The following ROBO2 variants were observed in gnomAD, a reference collection of about 807,000 sequenced individuals.
The protein encoded by ROBO2 is roundabout guidance receptor 2.
A neutral mutation model predicts 160.8 loss-of-function variants in ROBO2; 53 were observed. The observed-to-expected ratio is 0.33, with a 90% CI of 0.26 to 0.41. ROBO2 has a LOEUF of 0.41. ROBO2 is among the 10% of genes least tolerant of loss of function. The pLI is 1.00. For synonymous variants in ROBO2, 664 were observed against 611.7 expected, an observed-to-expected ratio of 1.09 and a Z score of -1.26; for missense variants, 1,577 against 1,722.4, an observed-to-expected ratio of 0.92 and a Z score of 1.49.
chr3:75,937,086 T>G (rs1010913913), intron 1 of ROBO2, among the ~76,000 whole-genome samples: 3 of 152,152 alleles, frequency 2.0e-5, no homozygotes, highest in Admixed American at 1.3e-4. Context: ...TTTGTATATA[T>G]GTAGAGATTA....
chr3:76,897,476 A>G (rs1166988), intron 2 of ROBO2, among the ~76,000 whole-genome samples: 59,209 of 151,890 alleles, frequency 0.39, 11,957 homozygotes, highest in African/African-American at 0.48. Context: ...TACCAAACAC[A>G]TTGAAAAATC....
intron 2 of ROBO2, among the ~76,000 whole-genome samples, chr3:77,152,526 C>A (rs2077633950): frequency 6.6e-6 from 1 of 152,210 alleles, no homozygotes; most frequent in South Asian, 2.1e-4. Context: ...CACTCTAAGA[C>A]CTTGATACTC....
At chr3:75,910,099 A>C (rs1318167037) in intron 1 of ROBO2, among the ~76,000 whole-genome samples, 1 of 152,214 alleles carries the variant, frequency 6.6e-6, no homozygotes. Context: ...GTAAATTTGC[A>C]GTTAGTACAG....
chr3:77,089,127 A>AT (rs1232994073), intron 1 of ROBO2, among the ~76,000 whole-genome samples: 1 of 152,146 alleles, frequency 6.6e-6, no homozygotes, highest in East Asian at 1.9e-4. Context: ...CAAACAAAAA[A>AT]CAACTGAAAT....
intron 2 of ROBO2, among the ~76,000 whole-genome samples, chr3:76,035,755 G>T (rs915048835): frequency 6.6e-6 from 1 of 151,990 alleles, no homozygotes; most frequent in Admixed American, 6.6e-5. Context: ...TTGGGGGCCT[G>T]CACTCATTAT....
intron 2 of ROBO2, among the ~76,000 whole-genome samples, chr3:76,028,352 A>T (rs2066810825): frequency 6.6e-6 from 1 of 151,952 alleles, no homozygotes; most frequent in Non-Finnish European, 1.5e-5. Context: ...TCATAATGAC[A>T]AAAGATGAAG....
intron 2 of ROBO2, among the ~76,000 whole-genome samples, chr3:76,119,722 G>C (rs530594961): frequency 6.6e-6 from 1 of 152,068 alleles, no homozygotes; most frequent in East Asian, 1.9e-4. Context: ...TTCAAAATAG[G>C]AACCTACTTT....
chr3:76,896,537 T>C (rs770010649), intron 2 of ROBO2, among the ~76,000 whole-genome samples: 1 of 152,170 alleles, frequency 6.6e-6, no homozygotes, highest in Non-Finnish European at 1.5e-5. Context: ...ATATGTGATA[T>C]AGATGATCAT....
intron 2 of ROBO2, among the ~76,000 whole-genome samples, chr3:76,168,739 T>A (rs2072926269): frequency 6.6e-6 from 1 of 151,824 alleles, no homozygotes; most frequent in South Asian, 2.1e-4. Flanking sequence ...TAATGTTGTC[T>A]TCTTAATGTC....
At chr3:76,336,084 A>G (rs1273224219) in intron 2 of ROBO2, among the ~76,000 whole-genome samples, 2 of 152,230 alleles carry the variant, frequency 1.3e-5, no homozygotes, top group African/African-American at 2.4e-5. Context: ...CATGAAAAAG[A>G]TTGAACTAGC....
At chr3:76,174,248 A>C (rs560638223) in intron 2 of ROBO2, among the ~76,000 whole-genome samples, 1 of 152,120 alleles carries the variant, frequency 6.6e-6, no homozygotes, top group East Asian at 1.9e-4. Flanking sequence ...AGTTTTTTGT[A>C]GATTCTGGAT....
chr3:77,537,439 A>T (rs1389547954), intron 6 of ROBO2, among the ~76,000 whole-genome samples: 1 of 152,010 alleles, frequency 6.6e-6, no homozygotes, highest in African/African-American at 2.4e-5. Context: ...TATATGTGAG[A>T]CCTCTCATGG....
At position 76,285,696 on chromosome 3, in the gene ROBO2, G is replaced by A. The variant is rs1158799; in HGVS notation, c.109+348094G>A. On this transcript the variant is annotated intron_variant, in intron 2 of 26. Coordinates refer to the ROBO2 transcript ENST00000487694. ...TGTAATATTATATAAGAAAATTAAAGTGAGAATGTAAACTTGTTGACTGTC... is the reference window on the plus strand; with the variant it reads ...TGTAATATTATATAAGAAAATTAAAATGAGAATGTAAACTTGTTGACTGTC... 3.4e-3 allele frequency among the ~76,000 whole-genome samples: 519 copies of A among 152,190 alleles called. 6 individuals are homozygous for A. Among genetic ancestry groups the A allele is most frequent in the Admixed American group, 0.025 (377 of 15,272 alleles).
At chr3:77,376,154 CTTTTTTT>C (rs11425201) in intron 2 of ROBO2, among the ~76,000 whole-genome samples, 5 of 115,524 alleles carry the variant, frequency 4.3e-5, no homozygotes, top group East Asian at 2.6e-4. Flanking sequence ...ATTTAACTTT[CTTTTTTT>C]TTTTTTTTTT....
intron 2 of ROBO2, among the ~76,000 whole-genome samples, chr3:77,384,473 C>T (rs1479736526): frequency 1.3e-5 from 2 of 152,094 alleles, no homozygotes; most frequent in Non-Finnish European, 2.9e-5. Context: ...ACTCGATAAA[C>T]CAGTCCTCTC....
At chr3:76,269,696 C>T (rs544866026) in intron 2 of ROBO2, among the ~76,000 whole-genome samples, 27 of 151,964 alleles carry the variant, frequency 1.8e-4, no homozygotes, top group African/African-American at 4.8e-4. Context: ...ACCTCCCTTA[C>T]ATTTTTGTAA....
intron 2 of ROBO2, among the ~76,000 whole-genome samples, chr3:76,374,249 G>A (rs752903994): frequency 3.6e-4 from 55 of 152,042 alleles, no homozygotes; most frequent in Middle Eastern, 3.4e-3. Context: ...AATGTCACAA[G>A]AGACTAAGCT....
chr3:76,063,343 C>CTT (rs35062174), intron 2 of ROBO2, among the ~76,000 whole-genome samples: 235 of 134,760 alleles, frequency 1.7e-3, no homozygotes, highest in Middle Eastern at 7.7e-3. Context: ...GCCCTCCTCC[C>CTT]TTTTTTTTTT....
chr3:77,633,127 T>C (rs1288556583), intron 23 of ROBO2: 2 of 152,384 alleles, frequency 1.3e-5, no homozygotes, highest in African/African-American at 4.8e-5. Context: ...TTGTCGGTCT[T>C]ACCAGTTCAA....
Sources: gnomAD v4.1 joint callset for allele counts (sites outside exome capture counted in the v4.1 genomes callset) on GRCh38, gnomAD v4.1.1 for gene constraint, MANE v1.5 for transcripts, NCBI Gene and HGNC (gene_info 2026-07-23, HGNC 2026-07-21) for gene names.